The following MAPKAP1 variants were observed in gnomAD, a reference collection of about 807,000 sequenced individuals.
The protein encoded by MAPKAP1 is MAPK associated protein 1.
In MAPKAP1, 20 loss-of-function variants were observed where a neutral mutation model predicts 65.7. That is an observed-to-expected ratio of 0.30 (90% confidence interval 0.21 to 0.44). MAPKAP1 has a LOEUF of 0.44. MAPKAP1 is among the 20% of genes least tolerant of loss of function. MAPKAP1 has a pLI of 1.00. For synonymous variants in MAPKAP1, 222 were observed against 244.3 expected (o/e 0.91, Z 0.85); for missense variants, 423 against 648.0 (o/e 0.65, Z 3.77).
At chr9:125,631,476 G>A (rs1468106795) in intron 4 of MAPKAP1, among the ~76,000 whole-genome samples, 1 of 152,090 alleles carries the variant, frequency 6.6e-6, no homozygotes, top group African/African-American at 2.4e-5. Context: ...TGCCCCACCC[G>A]GTTCCTAGTC....
intron 4 of MAPKAP1, among the ~76,000 whole-genome samples, chr9:125,597,799 G>GCCAT (rs1196488221): frequency 6.6e-6 from 1 of 152,154 alleles, no homozygotes; most frequent in Non-Finnish European, 1.5e-5. Flanking sequence ...CTTCAAAAGA[G>GCCAT]CCATTCTCTG....
intron 4 of MAPKAP1, among the ~76,000 whole-genome samples, chr9:125,632,867 T>A (rs539209401): frequency 1.3e-5 from 2 of 152,306 alleles, no homozygotes; most frequent in East Asian, 3.9e-4. Context: ...CTGGAGAATA[T>A]CTCCAGCTTG....
Position 125,543,491 on chromosome 9 carries a change from T to C in MAPKAP1, c.849-323A>G, listed in dbSNP as rs1830320166. The stretch of plus-strand genomic sequence containing the variant: ...CAGGGTTTCACCATGTTAGCCAGGA[T>C]GGTCTCGATCTATTGACCTCGTGAT... On this transcript the variant is annotated intron_variant, in intron 6 of 11. Coordinates refer to ENST00000265960, the MANE Select transcript of MAPKAP1 (RefSeq NM_001006617.3). Among the ~76,000 whole-genome samples the C allele has an allele frequency of 2.0e-5, 3 of 151,816 alleles. 1 individual carries two copies. The South Asian group carries it at 6.2e-4, about 32-fold the overall frequency.
Position 125,480,482 on chromosome 9 carries a change from T to C in MAPKAP1, c.1207+3961A>G, listed in dbSNP as rs545941723. 1.4e-4 allele frequency among the ~76,000 whole-genome samples: 22 copies of C among 152,266 alleles called. No homozygotes were observed. In the South Asian group the frequency reaches 1.9e-3, roughly 13 times the overall value. On this transcript the variant is annotated intron_variant, in intron 9 of 11. Transcript: ENST00000265960. ...TCACTTCCAACAACCAGGGAGATAC[T>C]TGCATGACTGTCATCATTCATGTCT... is the stretch of plus-strand genomic sequence containing the variant.
chr9:125,443,882 C>A (rs1470359040), intron 11 of MAPKAP1, among the ~76,000 whole-genome samples: 1 of 152,152 alleles, frequency 6.6e-6, no homozygotes, highest in African/African-American at 2.4e-5. Context: ...CTGTGACACA[C>A]CCACACCTTT....
intron 1 of MAPKAP1, among the ~76,000 whole-genome samples, chr9:125,694,285 G>A (rs1835318277): frequency 6.6e-6 from 1 of 151,588 alleles, no homozygotes; most frequent in Non-Finnish European, 1.5e-5. Flanking sequence ...CCAAGATGGT[G>A]CCATCGCACT....
At chr9:125,611,573 G>A (rs1265925452) in intron 4 of MAPKAP1, among the ~76,000 whole-genome samples, 1 of 152,162 alleles carries the variant, frequency 6.6e-6, no homozygotes, top group Non-Finnish European at 1.5e-5. Context: ...TGCAGATTCA[G>A]AAAGCCCAAT....
intron 1 of MAPKAP1, among the ~76,000 whole-genome samples, chr9:125,706,599 G>A (rs1835767385): frequency 6.6e-6 from 1 of 151,946 alleles, no homozygotes; most frequent in Admixed American, 6.6e-5. Context: ...GGGGGAGGGG[G>A]AGAAGGGACG....
intron 7 of MAPKAP1, among the ~76,000 whole-genome samples, chr9:125,513,847 G>A (rs1490190960): frequency 2.0e-5 from 3 of 152,188 alleles, no homozygotes; most frequent in African/African-American, 7.2e-5. Context: ...CAAAGTAGGG[G>A]TGCAGGGTGC....
At chr9:125,616,727 C>T (rs183872043) in intron 4 of MAPKAP1, among the ~76,000 whole-genome samples, 78 of 152,254 alleles carry the variant, frequency 5.1e-4, no homozygotes, top group South Asian at 2.7e-3. Flanking sequence ...TGGAGGGGCA[C>T]ACATGGGAAT....
chr9:125,484,242 T>G (rs1003346408), intron 9 of MAPKAP1, among the ~76,000 whole-genome samples: 2 of 152,228 alleles, frequency 1.3e-5, no homozygotes, highest in Non-Finnish European at 2.9e-5. Flanking sequence ...TCTAATCTTC[T>G]GCTTCATAAA....
intron 7 of MAPKAP1, among the ~76,000 whole-genome samples, chr9:125,514,569 C>T (rs1004831699): frequency 5.9e-5 from 9 of 152,108 alleles, no homozygotes; most frequent in African/African-American, 1.7e-4. Flanking sequence ...TCCTGGCTGC[C>T]GAGCAAGTCT....
chr9:125,600,119 A>G (rs1449218401), intron 4 of MAPKAP1, among the ~76,000 whole-genome samples: 1 of 152,118 alleles, frequency 6.6e-6, no homozygotes, highest in Non-Finnish European at 1.5e-5. Flanking sequence ...ATAGCCTCAA[A>G]TAATTCTTTT....
At chr9:125,629,781 TAAAAA>T (rs1472290263) in intron 4 of MAPKAP1, among the ~76,000 whole-genome samples, 3 of 151,636 alleles carry the variant, frequency 2.0e-5, no homozygotes, top group Admixed American at 2.0e-4. Context: ...AACTGAAAAA[TAAAAA>T]AGAAAAGAAG....
intron 4 of MAPKAP1, among the ~76,000 whole-genome samples, chr9:125,603,539 G>A (rs1021459554): frequency 6.6e-6 from 1 of 152,144 alleles, no homozygotes. Context: ...TGCAGAAACT[G>A]ACAAGTCACT....
chr9:125,565,226 T>C (rs934104050), intron 5 of MAPKAP1: 1 of 152,244 alleles, frequency 6.6e-6, no homozygotes, highest in Non-Finnish European at 1.5e-5. Flanking sequence ...TCATTTTATG[T>C]TCAAAGGCCA....
intron 6 of MAPKAP1, among the ~76,000 whole-genome samples, chr9:125,550,663 AC>A (rs1045642865): frequency 5.4e-4 from 82 of 152,376 alleles, no homozygotes; most frequent in African/African-American, 1.7e-3. Context: ...TTAAACAGAC[AC>A]AAAGAAAAAT....
intron 8 of MAPKAP1, among the ~76,000 whole-genome samples, chr9:125,505,323 G>A (rs917228085): frequency 2.6e-5 from 4 of 152,154 alleles, no homozygotes; most frequent in African/African-American, 4.8e-5. Flanking sequence ...TACTCGGGAG[G>A]CTGAGGCAGG....
intron 4 of MAPKAP1, chr9:125,596,542 A>G: frequency 1.4e-6 from 1 of 710,068 alleles, no homozygotes; most frequent in Non-Finnish European, 2.6e-6. Flanking sequence ...TGGTGGTGGA[A>G]GCCAGTACTT....
Sources: allele counts gnomAD v4.1 joint callset (sites outside exome capture counted in the v4.1 genomes callset), GRCh38; gene constraint gnomAD v4.1.1; transcripts MANE v1.5; gene names NCBI Gene and HGNC (gene_info 2026-07-23, HGNC 2026-07-21).